SPOCK1: variants seen among roughly 807,000 people sequenced by gnomAD.
The protein encoded by SPOCK1 is SPARC (osteonectin), cwcv and kazal like domains proteoglycan 1.
Under a neutral mutation model 55.3 loss-of-function variants are expected in SPOCK1, and 23 were observed. The ratio of observed to expected loss-of-function variants is 0.42; its 90% confidence interval spans 0.30 to 0.59. SPOCK1 has a LOEUF of 0.59. Ranked by LOEUF, SPOCK1 falls within the 20% of genes least tolerant of loss-of-function variation. The pLI is 0.22. For missense variants in SPOCK1, 499 were observed against 552.5 expected, an observed-to-expected ratio of 0.90 and a Z score of 0.97; for synonymous variants, 226 against 221.0, an observed-to-expected ratio of 1.02 and a Z score of -0.20.
At chr5:137,016,130 C>T (rs1028982121) in intron 6 of SPOCK1, among the ~76,000 whole-genome samples, 1 of 152,138 alleles carries the variant, frequency 6.6e-6, no homozygotes, top group Non-Finnish European at 1.5e-5. Flanking sequence ...GAAAAAAGGC[C>T]GCTTTTCATC....
intron 3 of SPOCK1, among the ~76,000 whole-genome samples, chr5:137,150,080 A>C (rs2127057485): frequency 6.6e-6 from 1 of 152,308 alleles, no homozygotes; most frequent in East Asian, 1.9e-4. Context: ...GATGTCCACC[A>C]AGGGCAAGGG....
At chr5:137,451,101 C>T (rs1319168399) in intron 2 of SPOCK1, among the ~76,000 whole-genome samples, 2 of 152,146 alleles carry the variant, frequency 1.3e-5, no homozygotes, top group South Asian at 2.1e-4. Context: ...AACAGACCCA[C>T]CCTACCCAGG....
At chr5:137,469,300 A>C (rs1753684529) in intron 2 of SPOCK1, among the ~76,000 whole-genome samples, 1 of 152,252 alleles carries the variant, frequency 6.6e-6, no homozygotes, top group African/African-American at 2.4e-5. Flanking sequence ...ATATGTAGTC[A>C]GCTTTCCAGA....
At chr5:137,386,155 T>C (rs1751595639) in intron 2 of SPOCK1, among the ~76,000 whole-genome samples, 1 of 152,162 alleles carries the variant, frequency 6.6e-6, no homozygotes. Context: ...AATGAAATAC[T>C]CAAGTATAAA....
At chr5:137,228,744 TA>T (rs1755996331) in intron 3 of SPOCK1, among the ~76,000 whole-genome samples, 1 of 152,216 alleles carries the variant, frequency 6.6e-6, no homozygotes, top group Non-Finnish European at 1.5e-5. Context: ...TGCAAAATTT[TA>T]AAAATCACCT....
At chr5:137,413,496 C>T (rs1752252830) in intron 2 of SPOCK1, among the ~76,000 whole-genome samples, 1 of 150,742 alleles carries the variant, frequency 6.6e-6, no homozygotes, top group South Asian at 2.1e-4. Flanking sequence ...GATTTCTATT[C>T]ACTTACTAGG....
intron 3 of SPOCK1, among the ~76,000 whole-genome samples, chr5:137,237,931 A>G (rs188129010): frequency 1.0e-3 from 155 of 152,286 alleles, no homozygotes; most frequent in Non-Finnish European, 1.2e-3. Context: ...TTTAACCTCA[A>G]ATTACCTACA....
intron 4 of SPOCK1, among the ~76,000 whole-genome samples, chr5:137,138,548 A>C (rs1427825545): frequency 6.6e-6 from 1 of 151,194 alleles, no homozygotes; most frequent in Non-Finnish European, 1.5e-5. Context: ...ATGGCTAAAC[A>C]ACCTAGAGCA....
chr5:137,167,199 T>C (rs1484249730), intron 3 of SPOCK1, among the ~76,000 whole-genome samples: 1 of 151,918 alleles, frequency 6.6e-6, no homozygotes, highest in East Asian at 1.9e-4. Flanking sequence ...ATTTTTAAGA[T>C]AAAAACTATA....
chr5:137,439,124 C>T (rs560794635), intron 2 of SPOCK1, among the ~76,000 whole-genome samples: 38 of 152,198 alleles, frequency 2.5e-4, no homozygotes, highest in African/African-American at 8.7e-4. Flanking sequence ...AGCAGTCACA[C>T]GAAACAGACA....
chr5:137,023,962 T>G (rs1751620801), intron 6 of SPOCK1, among the ~76,000 whole-genome samples: 1 of 147,208 alleles, frequency 6.8e-6, no homozygotes, highest in African/African-American at 2.6e-5. Context: ...AATATAGTAT[T>G]TTTTTTTTTT....
intron 2 of SPOCK1, among the ~76,000 whole-genome samples, chr5:137,291,059 A>C (rs28571013): frequency 0.26 from 39,197 of 152,194 alleles, 5,835 homozygotes; most frequent in South Asian, 0.34. Context: ...AGCTGGTAAA[A>C]GCCAGAGCCT....
chr5:137,400,686 C>A (rs887400815), intron 2 of SPOCK1, among the ~76,000 whole-genome samples: 1 of 152,140 alleles, frequency 6.6e-6, no homozygotes, highest in African/African-American at 2.4e-5. Context: ...TCAAATGGTC[C>A]TTGCAGGGCC....
Position 136,977,610 on chromosome 5 carries a change from A to C in SPOCK1, c.*1044T>G. On this transcript the variant is annotated 3_prime_UTR_variant, in exon 11 of 11. Coordinates refer to ENST00000394945, the MANE Select transcript of SPOCK1 (RefSeq NM_004598.4). The stretch of plus-strand genomic sequence containing the variant: ...GCCCTTGAGTAGGTAAGGAAGGAAG[A>C]AACCTATGGCAGACAGGATTGCTGC... 1 of 388,344 alleles carries C rather than the reference A, an allele frequency of 2.6e-6. No homozygotes were observed. Among genetic ancestry groups the C allele is most frequent in the Non-Finnish European group, 4.5e-6 (1 of 221,986 alleles). 24.1% of individuals were successfully genotyped at this position (388,344 alleles called of 1,614,324 possible).
At chr5:137,308,733 G>A (rs1757742783) in intron 2 of SPOCK1, among the ~76,000 whole-genome samples, 2 of 152,120 alleles carry the variant, frequency 1.3e-5, no homozygotes, top group East Asian at 3.9e-4. Flanking sequence ...TTATGGGTCT[G>A]TTTTCCTGAT....
intron 6 of SPOCK1, among the ~76,000 whole-genome samples, chr5:137,024,876 G>A (rs1232824744): frequency 1.3e-5 from 2 of 152,168 alleles, no homozygotes; most frequent in Non-Finnish European, 2.9e-5. Flanking sequence ...ATGAAGAGAT[G>A]AATGGAAAAA....
intron 5 of SPOCK1, among the ~76,000 whole-genome samples, chr5:137,106,938 C>T (rs796755881): frequency 4.6e-5 from 7 of 152,142 alleles, no homozygotes; most frequent in African/African-American, 1.4e-4. Context: ...GCCATGCTTT[C>T]TCTCACCTCT....
At chr5:137,424,984 A>C (rs1489809498) in intron 2 of SPOCK1, among the ~76,000 whole-genome samples, 3 of 152,234 alleles carry the variant, frequency 2.0e-5, no homozygotes, top group Non-Finnish European at 2.9e-5. Flanking sequence ...TCCTCATTAA[A>C]ATTGATCTTT....
At chr5:137,019,832 A>C (rs1751533216) in intron 6 of SPOCK1, among the ~76,000 whole-genome samples, 1 of 152,080 alleles carries the variant, frequency 6.6e-6, no homozygotes, top group African/African-American at 2.4e-5. Context: ...AGGTAAAACC[A>C]AGCAAAACAT....
Sources: allele counts gnomAD v4.1 joint callset (sites outside exome capture counted in the v4.1 genomes callset), GRCh38; gene constraint gnomAD v4.1.1; transcripts MANE v1.5; gene names NCBI Gene and HGNC (gene_info 2026-07-23, HGNC 2026-07-21).